NCALD: variants seen among roughly 807,000 people sequenced by gnomAD.
NCALD encodes neurocalcin-delta.
A neutral mutation model predicts 18.6 loss-of-function variants in NCALD; 10 were observed. That is an observed-to-expected ratio of 0.54 (90% confidence interval 0.33 to 0.91). The LOEUF (loss-of-function observed/expected upper bound fraction) is 0.91, where lower values mean the gene tolerates loss of function less well. Ranked by LOEUF, NCALD falls within the 40% of genes least tolerant of loss-of-function variation. NCALD has a pLI of 0.03. For synonymous variants in NCALD, 88 were observed against 87.4 expected (o/e 1.01, Z -0.04); for missense variants, 184 against 247.6 (o/e 0.74, Z 1.72).
At chr8:102,000,854 G>C (rs777494593) in intron 2 of NCALD, among the ~76,000 whole-genome samples, 12 of 152,106 alleles carry the variant, frequency 7.9e-5, no homozygotes, top group Non-Finnish European at 1.8e-4. Context: ...AGAAAGGACA[G>C]CCACACCAAA....
At chr8:102,028,426 C>A (rs554209069) in intron 1 of NCALD, among the ~76,000 whole-genome samples, 1 of 152,190 alleles carries the variant, frequency 6.6e-6, no homozygotes, top group Admixed American at 6.5e-5. Context: ...ATATTCTACA[C>A]AATGCCCAAG....
At chr8:101,788,242 A>G (rs1289599786) in intron 1 of NCALD, among the ~76,000 whole-genome samples, 7 of 152,216 alleles carry the variant, frequency 4.6e-5, no homozygotes, top group African/African-American at 1.7e-4. Flanking sequence ...TAACGTACAT[A>G]TCAATTGACT....
At chr8:102,017,242 TTTAGACATCCATATAAA>T (rs1246053111) in intron 2 of NCALD, among the ~76,000 whole-genome samples, 36 of 152,028 alleles carry the variant, frequency 2.4e-4, no homozygotes, top group Non-Finnish European at 2.9e-5. Flanking sequence ...TGCTCAAAAA[TTTAGACATCCATATAAA>T]AAGTTATTCT....
At chr8:101,735,201 G>A (rs945872294) in intron 1 of NCALD, among the ~76,000 whole-genome samples, 1 of 152,190 alleles carries the variant, frequency 6.6e-6, no homozygotes, top group Admixed American at 6.5e-5. Flanking sequence ...AATTAGTTAT[G>A]TCTGTGATTA....
At chr8:101,695,056 T>G (rs1026062216) in intron 2 of NCALD, among the ~76,000 whole-genome samples, 1 of 152,196 alleles carries the variant, frequency 6.6e-6, no homozygotes, top group African/African-American at 2.4e-5. Context: ...TATGAAAACA[T>G]GCACACCCCT....
intron 2 of NCALD, among the ~76,000 whole-genome samples, chr8:101,709,423 T>G (rs1815682972): frequency 6.6e-6 from 1 of 152,196 alleles, no homozygotes. Flanking sequence ...TCATTTTCAT[T>G]GAGTTGTAAG....
chr8:101,880,061 G>T (rs1387108723), intron 4 of NCALD, among the ~76,000 whole-genome samples: 1 of 147,332 alleles, frequency 6.8e-6, no homozygotes, highest in Non-Finnish European at 1.5e-5. Context: ...CTGGGGCCTT[G>T]CAGGAGCCCA....
At chr8:102,064,717 T>A in intron 1 of NCALD, among the ~76,000 whole-genome samples, 1 of 152,296 alleles carries the variant, frequency 6.6e-6, no homozygotes, top group East Asian at 1.9e-4. Flanking sequence ...TCCATGAACC[T>A]GGTGTTCTAA....
intron 2 of NCALD, among the ~76,000 whole-genome samples, chr8:101,922,039 G>T (rs1818184367): frequency 6.6e-6 from 1 of 151,792 alleles, no homozygotes; most frequent in African/African-American, 2.4e-5. Flanking sequence ...CACCTCTGGG[G>T]TTCAAGCAAT....
At chr8:101,952,047 G>C (rs548368953) in intron 2 of NCALD, among the ~76,000 whole-genome samples, 3 of 152,356 alleles carry the variant, frequency 2.0e-5, no homozygotes, top group African/African-American at 7.2e-5. Context: ...AAAGGAGCAA[G>C]TTCTTCCTAG....
intron 3 of NCALD, among the ~76,000 whole-genome samples, chr8:101,893,947 C>T (rs571330523): frequency 1.4e-5 from 2 of 146,986 alleles, no homozygotes; most frequent in South Asian, 2.1e-4. Flanking sequence ...CAACATTAGA[C>T]AGATCAATGA....
intron 3 of NCALD, 78 bp downstream of exon 3, chr8:101,692,713 T>G: frequency 6.9e-7 from 1 of 1,458,974 alleles, no homozygotes; most frequent in Non-Finnish European, 9.5e-7. Flanking sequence ...GGGCCTCGAG[T>G]GGCACTTCCC....
intron 1 of NCALD, among the ~76,000 whole-genome samples, chr8:101,764,838 G>C (rs924216029): frequency 2.0e-5 from 3 of 152,166 alleles, no homozygotes; most frequent in African/African-American, 7.2e-5. Flanking sequence ...AAGAACATGA[G>C]AAACTTTACA....
At chr8:102,000,326 G>A (rs901734693) in intron 2 of NCALD, among the ~76,000 whole-genome samples, 2 of 152,202 alleles carry the variant, frequency 1.3e-5, no homozygotes, top group African/African-American at 4.8e-5. Context: ...GAGGCTGGGG[G>A]AGGGGTACCC....
At chr8:102,002,573 C>T (rs1821518478) in intron 2 of NCALD, among the ~76,000 whole-genome samples, 1 of 152,174 alleles carries the variant, frequency 6.6e-6, no homozygotes, top group African/African-American at 2.4e-5. Flanking sequence ...ACAGAATATA[C>T]ATTTTTTTCA....
At position 101,978,022 on chromosome 8, in the gene NCALD, C is replaced by A. The variant is rs901913699; in HGVS notation, c.-157+42215G>T. On this transcript the variant is annotated intron_variant, in intron 2 of 6. Coordinates refer to the NCALD transcript ENST00000311028. ...CCCTCAGTGCCCCCTCCCCAACAAG[C>A]CCCTTGTCCCCTCTCAGCAGCTTCT... Among the ~76,000 whole-genome samples, 7 of 152,010 alleles carry A rather than the reference C, an allele frequency of 4.6e-5. No homozygotes were observed. The East Asian group carries it at 1.4e-3, about 29-fold the overall frequency.
rs1818533863 is a variant in NCALD, at chr8:101,930,492, G to T, written c.-156-14634C>A. Among the ~76,000 whole-genome samples the T allele has an allele frequency of 2.0e-5, 3 of 151,926 alleles. No individual in the cohort carries two copies. The South Asian group carries it at 6.2e-4, about 32-fold the overall frequency. Reference sequence around the variant, plus strand: ...TGAGCTCAATGCCAGGGTGCCTTGAGCTCCTGAGCTCACAGTGCCTCCGGC... The same window carrying T: ...TGAGCTCAATGCCAGGGTGCCTTGATCTCCTGAGCTCACAGTGCCTCCGGC... On this transcript the variant is annotated intron_variant, in intron 2 of 6. Transcript: ENST00000311028.
intron 1 of NCALD, among the ~76,000 whole-genome samples, chr8:101,790,133 A>C (rs189391532): frequency 3.4e-4 from 52 of 152,286 alleles, no homozygotes; most frequent in African/African-American, 1.2e-3. Context: ...TCCTTAGTAA[A>C]GACCACCTCA....
At chr8:101,772,380 G>A (rs1811620370) in intron 1 of NCALD, among the ~76,000 whole-genome samples, 1 of 152,152 alleles carries the variant, frequency 6.6e-6, no homozygotes, top group Admixed American at 6.5e-5. Context: ...CAGAATCCAA[G>A]GACTCTGATT....
Sources: gnomAD v4.1 joint callset for allele counts (sites outside exome capture counted in the v4.1 genomes callset) on GRCh38, gnomAD v4.1.1 for gene constraint, MANE v1.5 for transcripts, NCBI Gene and HGNC (gene_info 2026-07-23, HGNC 2026-07-21) for gene names.